LARP4B: variants seen among roughly 807,000 people sequenced by gnomAD.
The protein encoded by LARP4B is La ribonucleoprotein 4B.
A neutral mutation model predicts 89.8 loss-of-function variants in LARP4B; 12 were observed. The observed-to-expected ratio is 0.13, with a 90% CI of 0.09 to 0.22. The LOEUF (loss-of-function observed/expected upper bound fraction) is 0.22. Ranked by LOEUF, LARP4B falls within the 10% of genes least tolerant of loss-of-function variation. The probability of loss-of-function intolerance (pLI) is 1.00; values close to 1 mark genes in which losing one functional copy is unlikely to be tolerated. For missense variants in LARP4B, 757 were observed against 947.7 expected (o/e 0.80, Z 2.64); for synonymous variants, 367 against 363.3 (o/e 1.01, Z -0.12).
chr10:910,010 C>G (rs532723608), intron 1 of LARP4B, among the ~76,000 whole-genome samples: 1 of 152,074 alleles, frequency 6.6e-6, no homozygotes, highest in African/African-American at 2.4e-5. Flanking sequence ...TATGCAGGCC[C>G]AGAGAGCCGT....
intron 1 of LARP4B, among the ~76,000 whole-genome samples, chr10:915,854 T>C (rs1331575027): frequency 6.7e-6 from 1 of 150,052 alleles, no homozygotes; most frequent in African/African-American, 2.4e-5. Flanking sequence ...AAAAAAAGGT[T>C]TTTGCTTTTT....
At chr10:950,920 A>T in the LARP4B span, among the ~76,000 whole-genome samples, 1 of 151,590 alleles carries the variant, frequency 6.6e-6, no homozygotes, top group South Asian at 2.1e-4. Flanking sequence ...CTCTGTGGAC[A>T]ATCATGTCAT....
chr10:912,148 G>T (rs1836683142), intron 1 of LARP4B, among the ~76,000 whole-genome samples: 1 of 152,174 alleles, frequency 6.6e-6, no homozygotes, highest in Non-Finnish European at 1.5e-5. Flanking sequence ...CCAAGATTCA[G>T]TCTATTAATA....
chr10:974,803 C>T, the LARP4B span, among the ~76,000 whole-genome samples: 3 of 152,372 alleles, frequency 2.0e-5, no homozygotes, highest in Non-Finnish European at 2.9e-5. Context: ...AACAGCTTCA[C>T]GCTCATCGAA....
intron 3 of LARP4B, among the ~76,000 whole-genome samples, chr10:874,080 A>C (rs930085506): frequency 7.9e-5 from 12 of 152,088 alleles, no homozygotes; most frequent in Admixed American, 7.9e-4. Context: ...TAAAAATACA[A>C]AAAATTAGCT....
intron 1 of LARP4B, among the ~76,000 whole-genome samples, chr10:907,903 G>A (rs1419277970): frequency 2.0e-5 from 3 of 152,124 alleles, no homozygotes; most frequent in Non-Finnish European, 2.9e-5. Context: ...CCTATGTAAC[G>A]GAGTTTCCAC....
At chr10:826,212 G>A (rs1012598584) in intron 11 of LARP4B, among the ~76,000 whole-genome samples, 1 of 152,216 alleles carries the variant, frequency 6.6e-6, no homozygotes, top group Non-Finnish European at 1.5e-5. Context: ...ATCACTGGCA[G>A]GAAGTCAACA....
chr10:986,029 A>G, the LARP4B span: 1 of 152,214 alleles, frequency 6.6e-6, no homozygotes, highest in South Asian at 2.1e-4. Flanking sequence ...CCAATGGAGC[A>G]CTCATAGGAC....
chr10:825,448 T>C lies in LARP4B; in HGVS notation c.1233-132A>G, dbSNP rs1279997163. ...TAAAGTATAAAAATAGGATTTGGAA[T>C]GGTTAACTCCTAACATATAGGATAA... is the stretch of plus-strand genomic sequence containing the variant. On this transcript the variant is annotated intron_variant, in intron 12 of 17. Transcript: ENST00000316157. 8.0e-6 allele frequency: 7 copies of C among 877,418 alleles called. No individual in the cohort carries two copies. In the East Asian group the frequency reaches 1.3e-4, roughly 16 times the overall value. The allele number at this position is 877,418 out of a possible 1,614,324, so 54.4% of individuals were successfully genotyped here. A position where few individuals can be genotyped will look rare whatever the true frequency, so the allele number is the denominator to read the frequency against.
At chr10:970,126 C>T in the LARP4B span, among the ~76,000 whole-genome samples, 2 of 152,168 alleles carry the variant, frequency 1.3e-5, no homozygotes, top group African/African-American at 4.8e-5. Flanking sequence ...GAGGCTTAGA[C>T]ATGAATGGAA....
chr10:916,627 G>A (rs1471437653), intron 1 of LARP4B, among the ~76,000 whole-genome samples: 1 of 152,158 alleles, frequency 6.6e-6, no homozygotes, highest in Non-Finnish European at 1.5e-5. Flanking sequence ...TCTGTGAGGT[G>A]GAGGTTGCAG....
the LARP4B span, among the ~76,000 whole-genome samples, chr10:974,663 T>C: frequency 6.6e-6 from 1 of 152,246 alleles, no homozygotes; most frequent in Non-Finnish European, 1.5e-5. Context: ...GCCAGGCCAC[T>C]GGTCCGAGCT....
chr10:962,890 GGAGACCACCTGAACTCCAGAT>G, the LARP4B span, among the ~76,000 whole-genome samples: 10 of 152,192 alleles, frequency 6.6e-5, no homozygotes, highest in South Asian at 1.7e-3. Context: ...TCACTCCAGA[GGAGACCACCTGAACTCCAGAT>G]GAGACCACCT....
chr10:896,482 TAA>T (rs1836193315), intron 1 of LARP4B, among the ~76,000 whole-genome samples: 1 of 152,214 alleles, frequency 6.6e-6, no homozygotes, highest in Non-Finnish European at 1.5e-5. Context: ...AAGATTCTAT[TAA>T]GTCAGACATT....
At chr10:908,189 G>C (rs1447027329) in intron 1 of LARP4B, among the ~76,000 whole-genome samples, 1 of 152,094 alleles carries the variant, frequency 6.6e-6, no homozygotes, top group Non-Finnish European at 1.5e-5. Context: ...CTCCAGCCTG[G>C]GTGACAGAGC....
chr10:841,991 C>A (rs949446387), intron 7 of LARP4B, among the ~76,000 whole-genome samples: 12 of 150,870 alleles, frequency 8.0e-5, no homozygotes, highest in Non-Finnish European at 1.5e-4. Flanking sequence ...AAAAAAAAAA[C>A]CTGCACAGAC....
intron 6 of LARP4B, among the ~76,000 whole-genome samples, chr10:844,152 CT>C (rs1231968249): frequency 2.0e-5 from 3 of 152,256 alleles, no homozygotes; most frequent in Admixed American, 2.0e-4. Context: ...CCACCCTCAT[CT>C]CGGCCATCTT....
At chr10:930,009 A>C (rs528499010) in intron 1 of LARP4B, among the ~76,000 whole-genome samples, 1 of 152,290 alleles carries the variant, frequency 6.6e-6, no homozygotes, top group East Asian at 1.9e-4. Flanking sequence ...GAAAAAACTG[A>C]AAAGCCACAA....
At chr10:964,730 G>A in the LARP4B span, among the ~76,000 whole-genome samples, 1 of 152,212 alleles carries the variant, frequency 6.6e-6, no homozygotes, top group Non-Finnish European at 1.5e-5. Flanking sequence ...TAACTAATGA[G>A]GGTGTTTGTG....
Sources: allele counts gnomAD v4.1 joint callset (sites outside exome capture counted in the v4.1 genomes callset), GRCh38; gene constraint gnomAD v4.1.1; transcripts MANE v1.5; gene names NCBI Gene and HGNC (gene_info 2026-07-23, HGNC 2026-07-21).